Variants in EVA1C observed in about 807,000 individuals in gnomAD.
EVA1C encodes eva-1 homolog C.
Under a neutral mutation model 45.4 loss-of-function variants are expected in EVA1C, and 25 were observed. The observed-to-expected ratio is 0.55, with a 90% confidence interval of 0.40 to 0.77. The LOEUF (loss-of-function observed/expected upper bound fraction) is 0.77, where lower values mean the gene tolerates loss of function less well. Among genes scored for constraint, EVA1C ranks in the 30% least tolerant of loss-of-function variants. The pLI, the probability that EVA1C is intolerant of heterozygous loss-of-function variation, is 0.00. For missense variants in EVA1C, 479 were observed against 554.8 expected, an observed-to-expected ratio of 0.86 and a Z score of 1.37; for synonymous variants, 190 against 221.2, an observed-to-expected ratio of 0.86 and a Z score of 1.25.
At chr21:32,423,064 C>T (rs1185348329) in intron 1 of EVA1C, among the ~76,000 whole-genome samples, 1 of 51,604 alleles carries the variant, frequency 1.9e-5, no homozygotes, top group Non-Finnish European at 3.1e-5. Context: ...GAGTGAGACT[C>T]TGTCTCAAAA....
chr21:32,480,002 T>G (rs2036719230), intron 4 of EVA1C, among the ~76,000 whole-genome samples: 1 of 152,200 alleles, frequency 6.6e-6, no homozygotes, highest in Non-Finnish European at 1.5e-5. Context: ...CAGTATGTAT[T>G]AAAAGCCTTG....
chr21:32,430,575 CT>C (rs1249663117), intron 1 of EVA1C, among the ~76,000 whole-genome samples: 1 of 152,108 alleles, frequency 6.6e-6, no homozygotes, highest in African/African-American at 2.4e-5. Flanking sequence ...ATCCACGTGA[CT>C]GGGGAGGCCT....
intron 4 of EVA1C, among the ~76,000 whole-genome samples, chr21:32,491,455 G>A (rs986655373): frequency 1.2e-4 from 19 of 152,004 alleles, no homozygotes; most frequent in Admixed American, 5.9e-4. Flanking sequence ...TTGGGCGGCC[G>A]AGGCGGGTGG....
chr21:32,499,857 C>T (rs1044151548), intron 5 of EVA1C, among the ~76,000 whole-genome samples: 1 of 152,190 alleles, frequency 6.6e-6, no homozygotes, highest in Non-Finnish European at 1.5e-5. Flanking sequence ...CGGGTGCTGT[C>T]ATCTGCCGGC....
intron 1 of EVA1C, among the ~76,000 whole-genome samples, chr21:32,434,513 C>A (rs2034851861): frequency 6.6e-6 from 1 of 152,018 alleles, no homozygotes; most frequent in Non-Finnish European, 1.5e-5. Context: ...ATGGCATGAA[C>A]CCGGGAGGAG....
chr21:32,476,270 T>C (rs2036561255), intron 4 of EVA1C, among the ~76,000 whole-genome samples: 1 of 152,132 alleles, frequency 6.6e-6, no homozygotes, highest in Non-Finnish European at 1.5e-5. Context: ...TTGTTTTGTT[T>C]TGTTTTGTTT....
chr21:32,509,725 C>T (rs1185099566), intron 7 of EVA1C, among the ~76,000 whole-genome samples: 1 of 151,666 alleles, frequency 6.6e-6, no homozygotes, highest in Admixed American at 6.6e-5. Flanking sequence ...GTGAAGAAAA[C>T]ATTCAAGATA....
chr21:32,443,380 A>C (rs1248154549), intron 1 of EVA1C, among the ~76,000 whole-genome samples: 1 of 152,066 alleles, frequency 6.6e-6, no homozygotes, highest in Non-Finnish European at 1.5e-5. Context: ...CTAAAAATAC[A>C]AAAAAATTAG....
chr21:32,497,190 G>C (rs2037380540), intron 5 of EVA1C: 1 of 799,342 alleles, frequency 1.3e-6, no homozygotes, highest in Non-Finnish European at 2.3e-6. Context: ...GGAATGAATG[G>C]AAGAGTATGG....
At position 32,412,958 on chromosome 21, in the gene EVA1C, C is replaced by T; in HGVS notation, c.105C>T (p.Phe35=). The part of the protein sequence containing the change: ...VEPPGQLLRL[F]YCTVLVCSKE... ...CGCCGGGGCAGCTCCTGCGCCTCTTCTACTGCACTGTCCTGGTCTGCTCCA... is the reference window on the plus strand; with the variant it reads ...CGCCGGGGCAGCTCCTGCGCCTCTTTTACTGCACTGTCCTGGTCTGCTCCA... The change falls in exon 1 of 8, where the codon TTC becomes TTT. Residue 35 remains phenylalanine (F), a synonymous_variant. Transcript: ENST00000300255. The T allele has an allele frequency of 6.4e-7, 1 of 1,561,406 alleles. No individual in the cohort carries two copies. The highest frequency in any genetic ancestry group is 8.6e-7 in the Non-Finnish European group (1 of 1,156,162).
At position 32,442,820 on chromosome 21, in the gene EVA1C, C is replaced by T. The variant is rs139837346; in HGVS notation, c.161-10492C>T. On this transcript the variant is annotated intron_variant, in intron 1 of 7. Coordinates refer to ENST00000300255, the MANE Select transcript of EVA1C (RefSeq NM_058187.5). ...CAGTGACTGATATTCTTATATCCTGCGTTCAGAGTGACTCAGGCAACGTCA... is the reference window on the plus strand; with the variant it reads ...CAGTGACTGATATTCTTATATCCTGTGTTCAGAGTGACTCAGGCAACGTCA... Among the ~76,000 whole-genome samples, 339 of 151,972 alleles carry T rather than the reference C, an allele frequency of 2.2e-3. No homozygotes were observed. In the East Asian group the frequency reaches 0.033, roughly 15 times the overall value.
At chr21:32,435,342 C>A (rs1259520386) in intron 1 of EVA1C, among the ~76,000 whole-genome samples, 1 of 152,212 alleles carries the variant, frequency 6.6e-6, no homozygotes, top group Non-Finnish European at 1.5e-5. Context: ...GTGTGAGCCA[C>A]CATACCCAGC....
chr21:32,487,598 G>A (rs942297195), intron 4 of EVA1C, among the ~76,000 whole-genome samples: 1 of 152,022 alleles, frequency 6.6e-6, no homozygotes, highest in Non-Finnish European at 1.5e-5. Context: ...GCAGGCGCCT[G>A]TAATCCCAGC....
chr21:32,457,728 A>C lies in EVA1C; in HGVS notation c.481+8A>C. On this transcript the variant is annotated splice_region_variant and intron_variant, in intron 3 of 7. Transcript: ENST00000300255. ...CCTTTAAATGCCAACCTAGTAAGTA[A>C]CTTCGGAGGGGGACAGTGTGTTTGG... 6.2e-7 allele frequency: 1 copy of C among 1,614,044 alleles called. No homozygotes were observed. Among genetic ancestry groups the C allele is most frequent in the East Asian group, 2.2e-5 (1 of 44,870 alleles).
intron 3 of EVA1C, among the ~76,000 whole-genome samples, chr21:32,458,185 C>G (rs907328813): frequency 6.6e-6 from 1 of 152,158 alleles, no homozygotes. Context: ...CAGCTCCTCC[C>G]GCCCTCACCC....
In EVA1C at chr21:32,453,527, A is replaced by C. The variant is rs2035664449; in HGVS notation, c.357+19A>C. 1.3e-6 allele frequency: 2 copies of C among 1,545,978 alleles called. No individual in the cohort carries two copies. Among genetic ancestry groups the C allele is most frequent in the African/African-American group, 2.7e-5 (2 of 73,692 alleles). Reference sequence around the variant, plus strand: ...CTTCCAGGTATTGCCTTTTGTAGACATGTTAAGATGATACAGTTTCAACAC... The same window carrying C: ...CTTCCAGGTATTGCCTTTTGTAGACCTGTTAAGATGATACAGTTTCAACAC... On this transcript the variant is annotated intron_variant, in intron 2 of 7. Transcript: ENST00000300255.
intron 1 of EVA1C, among the ~76,000 whole-genome samples, chr21:32,418,808 A>G (rs1568855969): frequency 6.6e-6 from 1 of 152,100 alleles, no homozygotes. Flanking sequence ...TCATGGGGTC[A>G]TTGCTGCCAT....
At chr21:32,432,579 T>C (rs1477129477) in intron 1 of EVA1C, among the ~76,000 whole-genome samples, 1 of 152,104 alleles carries the variant, frequency 6.6e-6, no homozygotes, top group Non-Finnish European at 1.5e-5. Context: ...TCTGCCCACT[T>C]GTGGTTTTGC....
rs375307426 is a variant in EVA1C, at chr21:32,474,253, C to T, written c.634+6405C>T. Among the ~76,000 whole-genome samples the T allele has an allele frequency of 2.9e-4, 44 of 152,224 alleles. No homozygotes were observed. Among genetic ancestry groups the T allele is most frequent in the Admixed American group, 1.8e-3 (28 of 15,280 alleles). ...ATTAAACCAGAGCACACCGCACCTC[C>T]GCTTAAAGCCCTCCACTCTGCACAC... On this transcript the variant is annotated intron_variant, in intron 4 of 7. Transcript: ENST00000300255. The surrounding 1 kb of genome is among the most constrained non-coding windows in gnomAD (Gnocchi z 4.4).
Sources: gnomAD v4.1 joint callset for allele counts (sites outside exome capture counted in the v4.1 genomes callset) on GRCh38, gnomAD v4.1.1 for gene constraint, Gnocchi (gnomAD v3.1) non-coding constraint, MANE v1.5 for transcripts, NCBI Gene and HGNC (gene_info 2026-07-23, HGNC 2026-07-21) for gene names.